Variants in BTBD9 observed in about 807,000 individuals in gnomAD.
BTBD9 encodes BTB domain containing 9.
A neutral mutation model predicts 64.3 loss-of-function variants in BTBD9; 49 were observed. The observed-to-expected ratio is 0.76, with a 90% CI of 0.61 to 0.97. BTBD9 has a LOEUF of 0.97. Among genes scored for constraint, BTBD9 ranks in the 50% least tolerant of loss-of-function variants. The pLI is 0.00. For synonymous variants in BTBD9, 260 were observed against 274.7 expected, an observed-to-expected ratio of 0.95 and a Z score of 0.53; for missense variants, 598 against 762.1, an observed-to-expected ratio of 0.78 and a Z score of 2.53.
At chr6:38,328,941 C>A (rs188060980) in intron 7 of BTBD9, among the ~76,000 whole-genome samples, 2 of 114,678 alleles carry the variant, frequency 1.7e-5, no homozygotes, top group Non-Finnish European at 3.3e-5. Context: ...AGCAAGACTT[C>A]GTCTCAAAAA....
At chr6:38,523,521 GT>G (rs1348676552) in intron 6 of BTBD9, among the ~76,000 whole-genome samples, 1 of 152,050 alleles carries the variant, frequency 6.6e-6, no homozygotes, top group Non-Finnish European at 1.5e-5. Context: ...AGAGAGCTCT[GT>G]CCCAACCAAA....
Position 38,534,480 on chromosome 6 carries a change from A to C in BTBD9, c.1154+43120T>G, listed in dbSNP as rs1175000335. On this transcript the variant is annotated intron_variant, in intron 6 of 10. Coordinates refer to ENST00000481247, the MANE Select transcript of BTBD9 (RefSeq NM_001099272.2). ...CCAATTCTACTCAAACTGTTCAAAA[A>C]AAAAAAAAAAATAGAGGAGGAGGGA... is the stretch of plus-strand genomic sequence containing the variant. 2.7e-3 allele frequency among the ~76,000 whole-genome samples: 406 copies of C among 151,694 alleles called. 2 individuals carry two copies. Among genetic ancestry groups the C allele is most frequent in the African/African-American group, 9.3e-3 (386 of 41,462 alleles).
chr6:38,249,143 G>A (rs1764304441), intron 9 of BTBD9, among the ~76,000 whole-genome samples: 1 of 152,174 alleles, frequency 6.6e-6, no homozygotes, highest in Non-Finnish European at 1.5e-5. Flanking sequence ...TCTATACCCA[G>A]TCAAACTATG....
chr6:38,178,620 A>G (rs1016703596), intron 10 of BTBD9, among the ~76,000 whole-genome samples: 1 of 151,982 alleles, frequency 6.6e-6, no homozygotes, highest in African/African-American at 2.4e-5. Context: ...TGGAAGGAAG[A>G]GGCAGCCAAG....
At chr6:38,192,425 C>G in intron 10 of BTBD9, 94 bp downstream of exon 10, 1 of 1,144,044 alleles carries the variant, frequency 8.7e-7, no homozygotes, top group Non-Finnish European at 1.3e-6. Context: ...AGGCCATTAG[C>G]AGGCAGAACA....
chr6:38,290,804 G>A (rs1761927954), intron 7 of BTBD9, among the ~76,000 whole-genome samples: 1 of 152,114 alleles, frequency 6.6e-6, no homozygotes, highest in African/African-American at 2.4e-5. Flanking sequence ...TGTGTGCCTG[G>A]GAAAAGCTCC....
At chr6:38,517,388 T>C (rs771864111) in intron 6 of BTBD9, among the ~76,000 whole-genome samples, 1 of 152,198 alleles carries the variant, frequency 6.6e-6, no homozygotes, top group Non-Finnish European at 1.5e-5. Context: ...ACACAAACCT[T>C]GTGTATCTTG....
At chr6:38,557,207 G>A (rs1192710232) in intron 6 of BTBD9, among the ~76,000 whole-genome samples, 1 of 151,730 alleles carries the variant, frequency 6.6e-6, no homozygotes, top group Non-Finnish European at 1.5e-5. Context: ...TTAGCTGGCA[G>A]TGGTGGCAGG....
chr6:38,563,453 T>C (rs1775337087), intron 6 of BTBD9, among the ~76,000 whole-genome samples: 1 of 152,188 alleles, frequency 6.6e-6, no homozygotes, highest in Non-Finnish European at 1.5e-5. Context: ...CTGGTTTCCC[T>C]TCTTCCACTT....
chr6:38,367,145 C>A (rs1765214129), intron 6 of BTBD9, among the ~76,000 whole-genome samples: 1 of 152,224 alleles, frequency 6.6e-6, no homozygotes, highest in Non-Finnish European at 1.5e-5. Context: ...CAGAAACCTG[C>A]TGATCCTGCT....
At chr6:38,186,307 A>T (rs1380184454) in intron 10 of BTBD9, among the ~76,000 whole-genome samples, 2 of 152,246 alleles carry the variant, frequency 1.3e-5, no homozygotes, top group Non-Finnish European at 2.9e-5. Context: ...CCTGGCACAC[A>T]GTAAGTGCTC....
rs1000416163 is a variant in BTBD9 at position 38,577,588 on chromosome 6, C to T, written c.1154+12G>A. ...AAGAATAAAAATCATTTATTAACCA[C>T]TGAAAACTAACCTGCAGACACGGGC... is the stretch of plus-strand genomic sequence containing the variant. On this transcript the variant is annotated intron_variant, in intron 6 of 10. Coordinates refer to ENST00000481247, the MANE Select transcript of BTBD9 (RefSeq NM_001099272.2). 5.6e-6 allele frequency: 9 copies of T among 1,594,142 alleles called. No homozygotes were observed. In the Admixed American group the frequency reaches 9.1e-5, roughly 16 times the overall value.
At chr6:38,455,141 T>G (rs1769738668) in intron 6 of BTBD9, among the ~76,000 whole-genome samples, 1 of 152,188 alleles carries the variant, frequency 6.6e-6, no homozygotes, top group African/African-American at 2.4e-5. Flanking sequence ...ATTTTAAAAT[T>G]TACAGATAGT....
chr6:38,361,364 C>T (rs1179260220), intron 6 of BTBD9, among the ~76,000 whole-genome samples: 2 of 150,710 alleles, frequency 1.3e-5, no homozygotes, highest in East Asian at 2.0e-4. Context: ...GGTAACATAG[C>T]AAGACCCTGT....
intron 6 of BTBD9, among the ~76,000 whole-genome samples, chr6:38,449,986 C>T (rs537568339): frequency 6.6e-6 from 1 of 152,084 alleles, no homozygotes; most frequent in African/African-American, 2.4e-5. Context: ...CATTCCAGCA[C>T]TATTCATAAC....
At chr6:38,306,641 C>G (rs1293280635) in intron 7 of BTBD9, among the ~76,000 whole-genome samples, 2 of 152,186 alleles carry the variant, frequency 1.3e-5, no homozygotes, top group Non-Finnish European at 2.9e-5. Context: ...CGACTTGCCT[C>G]TAAATTTAAT....
In BTBD9 at chr6:38,379,918, GACT is replaced by G. The variant is rs554016182; in HGVS notation, c.1155-34828_1155-34826del. Among the ~76,000 whole-genome samples the G allele has an allele frequency of 5.3e-5, 8 of 152,218 alleles. No homozygotes were observed. In the South Asian group the frequency reaches 1.4e-3, roughly 28 times the overall value. On this transcript the variant is annotated intron_variant, in intron 6 of 10. Coordinates refer to ENST00000481247, the MANE Select transcript of BTBD9 (RefSeq NM_001099272.2). ...TCATATTAGGAAATTAATAGAAGGT[GACT>G]ACAATTGATTAATCAAAAGAAAGAT...
rs188416175 is a variant in BTBD9, at chr6:38,602,731, T to C, written c.-27-4610A>G. 1.0e-3 allele frequency among the ~76,000 whole-genome samples: 151 copies of C among 151,648 alleles called. 1 individual carries two copies. The highest frequency in any genetic ancestry group is 3.5e-3 in the African/African-American group (143 of 41,344). ...AAGTGTTTGGATTTGCCATAAGCAA[T>C]AGAAATTGATTTAGTGACTAAGACA... is the stretch of plus-strand genomic sequence containing the variant. On this transcript the variant is annotated intron_variant, in intron 1 of 10. Transcript: ENST00000481247.
At chr6:38,318,785 G>C (rs1408052949) in intron 7 of BTBD9, among the ~76,000 whole-genome samples, 1 of 152,158 alleles carries the variant, frequency 6.6e-6, no homozygotes, top group Admixed American at 6.5e-5. Context: ...ACCTATGTTT[G>C]TTCAAGGCCC....
Sources: gnomAD v4.1 joint callset for allele counts (sites outside exome capture counted in the v4.1 genomes callset) on GRCh38, gnomAD v4.1.1 for gene constraint, MANE v1.5 for transcripts, NCBI Gene and HGNC (gene_info 2026-07-23, HGNC 2026-07-21) for gene names.